The following MYRIP variants were observed in gnomAD, a reference collection of about 807,000 sequenced individuals.
The protein encoded by MYRIP is rab effector MyRIP.
In MYRIP, 49 loss-of-function variants were observed where a neutral mutation model predicts 98.0. The observed-to-expected ratio is 0.50, with a 90% CI of 0.40 to 0.63. The LOEUF (loss-of-function observed/expected upper bound fraction) is 0.63. Ranked by LOEUF, MYRIP falls within the 30% of genes least tolerant of loss-of-function variation. The pLI is 0.00. For synonymous variants in MYRIP, 404 were observed against 409.5 expected, an observed-to-expected ratio of 0.99 and a Z score of 0.16; for missense variants, 1,004 against 1,058.2, an observed-to-expected ratio of 0.95 and a Z score of 0.71.
At chr3:40,014,289 A>G (rs1215208450) in intron 2 of MYRIP, among the ~76,000 whole-genome samples, 1 of 152,232 alleles carries the variant, frequency 6.6e-6, no homozygotes, top group East Asian at 1.9e-4. Flanking sequence ...TCCCTGTGCT[A>G]AATAAATCTT....
intron 3 of MYRIP, among the ~76,000 whole-genome samples, chr3:40,148,771 G>T (rs1289895305): frequency 6.6e-6 from 1 of 152,078 alleles, no homozygotes; most frequent in Non-Finnish European, 1.5e-5. Flanking sequence ...CCATTGGATT[G>T]TTGCAAATGT....
chr3:40,035,399 C>G (rs2125823360), intron 2 of MYRIP, among the ~76,000 whole-genome samples: 1 of 152,080 alleles, frequency 6.6e-6, no homozygotes, highest in Middle Eastern at 3.4e-3. Context: ...GGTGATGACT[C>G]ATGAATGATT....
chr3:39,997,450 C>A (rs1371923795), intron 2 of MYRIP, among the ~76,000 whole-genome samples: 1 of 152,136 alleles, frequency 6.6e-6, no homozygotes, highest in Non-Finnish European at 1.5e-5. Flanking sequence ...TGGATAAATT[C>A]CTCGACACAT....
chr3:40,145,012 C>T (rs755914176), intron 3 of MYRIP, among the ~76,000 whole-genome samples: 7 of 152,174 alleles, frequency 4.6e-5, no homozygotes, highest in Non-Finnish European at 8.8e-5. Context: ...TTATCAAGCC[C>T]TCTTCTGATG....
chr3:40,137,320 C>G (rs1435087785), intron 3 of MYRIP, among the ~76,000 whole-genome samples: 3 of 152,126 alleles, frequency 2.0e-5, no homozygotes, highest in Non-Finnish European at 4.4e-5. Context: ...TACAGTCTCC[C>G]AAGACTAAAC....
chr3:40,043,972 G>A lies in MYRIP; in HGVS notation c.111-78G>A, dbSNP rs1947608103. ...GCTTGGCCTAAGGGAGGGACAGGGT[G>A]CATGCTTTGGGGAGACACCCCCTGA... On this transcript the variant is annotated intron_variant, in intron 2 of 16. Coordinates refer to ENST00000302541, the MANE Select transcript of MYRIP (RefSeq NM_015460.4). 2.1e-5 allele frequency: 28 copies of A among 1,360,410 alleles called. No homozygotes were observed. The South Asian group carries it at 3.1e-4, about 15-fold the overall frequency. 84.3% of individuals were successfully genotyped at this position (1,360,410 alleles called of 1,614,324 possible).
intron 1 of MYRIP, among the ~76,000 whole-genome samples, chr3:39,848,764 T>C (rs1347866667): frequency 6.6e-6 from 1 of 152,234 alleles, no homozygotes; most frequent in Admixed American, 6.5e-5. Context: ...TTCCTTATTT[T>C]TGAAGGCAAA....
intron 1 of MYRIP, among the ~76,000 whole-genome samples, chr3:39,834,497 A>C (rs965662792): frequency 6.6e-6 from 1 of 152,176 alleles, no homozygotes; most frequent in Non-Finnish European, 1.5e-5. Flanking sequence ...AAAATACCTT[A>C]AAATAAAAAA....
At chr3:40,247,455 C>A (rs1176447681) in intron 13 of MYRIP, among the ~76,000 whole-genome samples, 2 of 152,078 alleles carry the variant, frequency 1.3e-5, no homozygotes, top group East Asian at 3.9e-4. Context: ...AGGAAACTTA[C>A]CCAAGGTCAA....
At chr3:40,048,119 G>C (rs1008902754) in intron 3 of MYRIP, among the ~76,000 whole-genome samples, 1 of 152,058 alleles carries the variant, frequency 6.6e-6, no homozygotes, top group African/African-American at 2.4e-5. Flanking sequence ...TCAAGCAAGT[G>C]GGTTTTTAAA....
chr3:40,125,552 C>T (rs999839081), intron 3 of MYRIP, among the ~76,000 whole-genome samples: 1 of 152,242 alleles, frequency 6.6e-6, no homozygotes, highest in African/African-American at 2.4e-5. Context: ...CCCTCACAGA[C>T]ATACCCAGGA....
chr3:39,996,544 A>T (rs985058984), intron 2 of MYRIP, among the ~76,000 whole-genome samples: 1 of 152,142 alleles, frequency 6.6e-6, no homozygotes, highest in Admixed American at 6.6e-5. Context: ...AAGTCCTTAG[A>T]GACCTACAAA....
chr3:40,094,073 T>C (rs1948778962), intron 3 of MYRIP, among the ~76,000 whole-genome samples: 1 of 152,112 alleles, frequency 6.6e-6, no homozygotes, highest in African/African-American at 2.4e-5. Context: ...TGTCCCAATT[T>C]TATTCTGCTG....
At chr3:40,202,981 G>C (rs1951613359) in intron 10 of MYRIP, among the ~76,000 whole-genome samples, 1 of 151,648 alleles carries the variant, frequency 6.6e-6, no homozygotes, top group South Asian at 2.1e-4. Flanking sequence ...CCAGGCTGGA[G>C]TGCAGTGGTG....
chr3:39,887,057 A>T (rs1321068018), intron 1 of MYRIP, among the ~76,000 whole-genome samples: 1 of 152,012 alleles, frequency 6.6e-6, no homozygotes, highest in East Asian at 1.9e-4. Flanking sequence ...ACTCAACTAC[A>T]TGGAAACTGA....
chr3:40,237,143 C>T (rs1575667309), intron 12 of MYRIP, among the ~76,000 whole-genome samples: 1 of 152,206 alleles, frequency 6.6e-6, no homozygotes, highest in African/African-American at 2.4e-5. Context: ...ATGGTGAGAT[C>T]CCATCTCTAT....
Position 40,029,653 on chromosome 3 carries a change from G to A in MYRIP, c.111-14397G>A, listed in dbSNP as rs1000698803. Among the ~76,000 whole-genome samples, 4 of 152,108 alleles carry A rather than the reference G, an allele frequency of 2.6e-5. 1 individual carries two copies. The highest frequency in any genetic ancestry group is 7.2e-5 in the African/African-American group (3 of 41,426). ...AACAAAAATACTAATAAAATGTAGG[G>A]TTTAATATAAGAAAGGGAAAATATT... On this transcript the variant is annotated intron_variant, in intron 2 of 16. Transcript: ENST00000302541.
chr3:40,245,250 G>A (rs1396665689), intron 13 of MYRIP, among the ~76,000 whole-genome samples: 1 of 152,100 alleles, frequency 6.6e-6, no homozygotes, highest in Non-Finnish European at 1.5e-5. Context: ...AGATATTCCC[G>A]TAGCCTTTGA....
chr3:40,254,903 T>A (rs1559479478), intron 16 of MYRIP, among the ~76,000 whole-genome samples: 2 of 152,110 alleles, frequency 1.3e-5, no homozygotes, highest in Non-Finnish European at 2.9e-5. Context: ...AAGGACAAAT[T>A]TATTTTGTTA....
Sources: gnomAD v4.1 joint callset for allele counts (sites outside exome capture counted in the v4.1 genomes callset) on GRCh38, gnomAD v4.1.1 for gene constraint, MANE v1.5 for transcripts, NCBI Gene and HGNC (gene_info 2026-07-23, HGNC 2026-07-21) for gene names.